The following CAMK1D variants were observed in gnomAD, a reference collection of about 807,000 sequenced individuals.
The protein encoded by CAMK1D is calcium/calmodulin-dependent protein kinase type 1D.
CAMK1D carries 9 observed loss-of-function variants against 47.7 expected under a neutral mutation model. The observed-to-expected ratio is 0.19, with a 90% CI of 0.11 to 0.33. The LOEUF is 0.33. CAMK1D is among the 10% of genes least tolerant of loss of function. The pLI is 1.00. For synonymous variants in CAMK1D, 184 were observed against 184.9 expected, an observed-to-expected ratio of 0.99 and a Z score of 0.04; for missense variants, 291 against 488.7, an observed-to-expected ratio of 0.60 and a Z score of 3.81.
chr10:12,479,990 G>A (rs957877211), intron 1 of CAMK1D, among the ~76,000 whole-genome samples: 2 of 152,110 alleles, frequency 1.3e-5, no homozygotes, highest in East Asian at 1.9e-4. Flanking sequence ...AAAGGCCTAA[G>A]CACCCCTTCA....
At chr10:12,733,686 T>C (rs989382402) in intron 3 of CAMK1D, among the ~76,000 whole-genome samples, 22 of 152,222 alleles carry the variant, frequency 1.4e-4, no homozygotes, top group African/African-American at 5.1e-4. Context: ...TTCATTTATG[T>C]TATGCCATAC....
At chr10:12,385,493 G>A (rs773502690) in intron 1 of CAMK1D, among the ~76,000 whole-genome samples, 4 of 152,248 alleles carry the variant, frequency 2.6e-5, no homozygotes, top group East Asian at 1.9e-4. Flanking sequence ...GAAAGAAGCC[G>A]GTCACAAGAA....
Position 12,455,361 on chromosome 10 carries a change from CAG to C in CAMK1D, c.93-97863_93-97862del, listed in dbSNP as rs1294606758. ...TAATTTTCGTATTTTTTTGTAGAGA[CAG>C]GGGTTTTGCCATGTGGCCCAGGCTG... On this transcript the variant is annotated intron_variant, in intron 1 of 10. Coordinates refer to ENST00000619168, the MANE Select transcript of CAMK1D (RefSeq NM_153498.4). 4.6e-5 allele frequency among the ~76,000 whole-genome samples: 7 copies of C among 152,174 alleles called. No individual in the cohort carries two copies. The East Asian group carries it at 9.7e-4, about 21-fold the overall frequency.
chr10:12,604,595 T>C (rs962213104), intron 2 of CAMK1D, among the ~76,000 whole-genome samples: 1 of 152,186 alleles, frequency 6.6e-6, no homozygotes, highest in African/African-American at 2.4e-5. Flanking sequence ...AATGGACTCA[T>C]TCCCAAGAAT....
chr10:12,403,137 G>C (rs1839287925), intron 1 of CAMK1D, among the ~76,000 whole-genome samples: 1 of 152,194 alleles, frequency 6.6e-6, no homozygotes, highest in Non-Finnish European at 1.5e-5. Flanking sequence ...GAAGTACTCA[G>C]GAAGAAGGCA....
chr10:12,648,951 T>C, intron 2 of CAMK1D, among the ~76,000 whole-genome samples: 1 of 152,322 alleles, frequency 6.6e-6, no homozygotes, highest in East Asian at 1.9e-4. Context: ...AGTCATAACC[T>C]TGACCTCCTG....
chr10:12,818,849 A>G (rs1832909390), intron 8 of CAMK1D, among the ~76,000 whole-genome samples: 1 of 152,204 alleles, frequency 6.6e-6, no homozygotes. Context: ...GAACATTCTG[A>G]AGAAGTGGAC....
At chr10:12,527,115 C>T (rs1835649775) in intron 1 of CAMK1D, among the ~76,000 whole-genome samples, 1 of 152,022 alleles carries the variant, frequency 6.6e-6, no homozygotes, top group African/African-American at 2.4e-5. Flanking sequence ...AGGGTTATTT[C>T]TTGGGATTTT....
chr10:12,616,132 G>A (rs1426393709), intron 2 of CAMK1D, among the ~76,000 whole-genome samples: 1 of 151,998 alleles, frequency 6.6e-6, no homozygotes. Context: ...GTATATGTAG[G>A]TGTGTGTATA....
intron 3 of CAMK1D, among the ~76,000 whole-genome samples, chr10:12,718,499 C>T (rs530244452): frequency 6.6e-6 from 1 of 152,302 alleles, no homozygotes; most frequent in African/African-American, 2.4e-5. Flanking sequence ...ACTCAAGCCA[C>T]CAGATGGCTC....
At chr10:12,657,715 T>G (rs992643956) in intron 2 of CAMK1D, among the ~76,000 whole-genome samples, 1 of 152,186 alleles carries the variant, frequency 6.6e-6, no homozygotes, top group Non-Finnish European at 1.5e-5. Context: ...CTCTAGTACT[T>G]TCTGAAGTGT....
At chr10:12,572,767 G>T (rs889955094) in intron 2 of CAMK1D, among the ~76,000 whole-genome samples, 3 of 152,180 alleles carry the variant, frequency 2.0e-5, no homozygotes, top group Non-Finnish European at 4.4e-5. Context: ...GAATAGCTGG[G>T]ACTACAGGCA....
intron 1 of CAMK1D, among the ~76,000 whole-genome samples, chr10:12,431,510 C>G (rs1324719838): frequency 6.6e-6 from 1 of 152,204 alleles, no homozygotes. Context: ...GAGGTAGATG[C>G]AATCCCCTCA....
Position 12,488,842 on chromosome 10 carries a change from T to G in CAMK1D, c.93-64383T>G, listed in dbSNP as rs1394032807. Among the ~76,000 whole-genome samples, 3 of 152,170 alleles carry G rather than the reference T, an allele frequency of 2.0e-5. No homozygotes were observed. In the East Asian group the frequency reaches 5.8e-4, roughly 29 times the overall value. ...GCCGCTGATCTGACGGAGGCGGAGC[T>G]CAGGCGGTGATGCGAGGGATGGGGA... On this transcript the variant is annotated intron_variant, in intron 1 of 10. Transcript: ENST00000619168.
At chr10:12,551,368 T>C (rs1362404313) in intron 1 of CAMK1D, among the ~76,000 whole-genome samples, 1 of 152,216 alleles carries the variant, frequency 6.6e-6, no homozygotes, top group South Asian at 2.1e-4. Flanking sequence ...TGGGACCGAC[T>C]AGTTGCAGGA....
chr10:12,526,153 T>A (rs1181649602), intron 1 of CAMK1D, among the ~76,000 whole-genome samples: 2 of 152,228 alleles, frequency 1.3e-5, no homozygotes, highest in African/African-American at 4.8e-5. Context: ...TTCTTTTCTT[T>A]AAAAAGCAGA....
chr10:12,412,279 C>T (rs964457113), intron 1 of CAMK1D, among the ~76,000 whole-genome samples: 5 of 151,838 alleles, frequency 3.3e-5, no homozygotes, highest in African/African-American at 7.3e-5. Flanking sequence ...GTAGCCTGGC[C>T]CAGTGTGCTG....
At chr10:12,569,572 AGCCGGGCTTGGTGGCGGGC>A (rs1837252962) in intron 2 of CAMK1D, among the ~76,000 whole-genome samples, 1 of 139,518 alleles carries the variant, frequency 7.2e-6, no homozygotes, top group African/African-American at 2.8e-5. Flanking sequence ...AAAAAAAATT[AGCCGGGCTTGGTGGCGGGC>A]GCCTGTAGTC....
chr10:12,601,518 C>T (rs1308946284), intron 2 of CAMK1D, among the ~76,000 whole-genome samples: 1 of 152,112 alleles, frequency 6.6e-6, no homozygotes, highest in Non-Finnish European at 1.5e-5. Flanking sequence ...GGCTGGAGTG[C>T]AATGGCAAAA....
Sources: allele counts gnomAD v4.1 joint callset (sites outside exome capture counted in the v4.1 genomes callset), GRCh38; gene constraint gnomAD v4.1.1; transcripts MANE v1.5; gene names NCBI Gene and HGNC (gene_info 2026-07-23, HGNC 2026-07-21).